DAZL: variants seen among roughly 807,000 people sequenced by gnomAD.
DAZL encodes deleted in azoospermia like.
DAZL carries 4 observed loss-of-function variants against 45.0 expected under a neutral mutation model. The ratio of observed to expected loss-of-function variants is 0.09; its 90% confidence interval spans 0.04 to 0.20. The LOEUF (loss-of-function observed/expected upper bound fraction) is 0.20, where lower values mean the gene tolerates loss of function less well. DAZL is among the 10% of genes least tolerant of loss of function. The pLI, the probability that DAZL is intolerant of heterozygous loss-of-function variation, is 1.00. For missense variants in DAZL, 326 were observed against 351.3 expected (o/e 0.93, Z 0.58); for synonymous variants, 122 against 112.4 (o/e 1.09, Z -0.54).
chr3:16,602,936 T>A (rs988405096), intron 1 of DAZL, among the ~76,000 whole-genome samples: 3 of 152,210 alleles, frequency 2.0e-5, no homozygotes, highest in Non-Finnish European at 4.4e-5. Flanking sequence ...TAATACAGTC[T>A]TTATGAATCA....
chr3:16,594,197 CAGAGGCAGAGTCT>C (rs1382523951), intron 8 of DAZL, among the ~76,000 whole-genome samples: 1 of 152,034 alleles, frequency 6.6e-6, no homozygotes, highest in Non-Finnish European at 1.5e-5. Flanking sequence ...CTGGTAAAGC[CAGAGGCAGAGTCT>C]AGGCAGATAC....
At chr3:16,598,678 T>C in intron 1 of DAZL, 80 bp from the exon 2 acceptor site, 4 of 1,408,220 alleles carry the variant, frequency 2.8e-6, no homozygotes, top group Non-Finnish European at 3.8e-6. Flanking sequence ...TTTTGTATTT[T>C]AAGTATAAAA....
chr3:16,588,697 T>C lies in DAZL; in HGVS notation c.851A>G (p.His284Arg). 6.2e-7 allele frequency: 1 copy of C among 1,611,702 alleles called. No individual in the cohort carries two copies. Among genetic ancestry groups the C allele is most frequent in the Non-Finnish European group, 8.5e-7 (1 of 1,178,164 alleles). Residue 284 changes from histidine (H) to arginine (R), a missense_variant, in exon 11 of 11, where the codon CAC becomes CGC. This residue lies in a region of DAZL where 227 missense variants were observed against 216.6 expected (regional missense o/e 1.05). Transcript: ENST00000399444. The part of the protein sequence containing the change: ...DDYFKDKRVH[H>R]FRRSRAMLKS... ...AAGCATTGCCCGACTTCTTCTAAAG[T>C]GATGCACTCTTTTATCCTGGAAAAG...
In DAZL at chr3:16,598,596, A is replaced by C; in HGVS notation, c.6T>G (p.Ser2=). The C allele has an allele frequency of 1.3e-6, 2 of 1,595,022 alleles. No individual in the cohort carries two copies. Among genetic ancestry groups the C allele is most frequent in the Non-Finnish European group, 1.7e-6 (2 of 1,176,834 alleles). Reference sequence around the variant, plus strand: ...AGTTTGGAGTTTCAGGATTTGCAGTAGACTGTAATTTGGAAAGTAGACATC... The same window carrying C: ...AGTTTGGAGTTTCAGGATTTGCAGTCGACTGTAATTTGGAAAGTAGACATC... The part of the protein sequence containing the change: M[S]TANPETPNST... Residue 2 remains serine (S), a splice_region_variant and synonymous_variant, in exon 2 of 11, where the codon TCT becomes TCG. Coordinates refer to ENST00000399444, the MANE Select transcript of DAZL (RefSeq NM_001351.4).
chr3:16,601,475 T>A (rs1694688447), intron 1 of DAZL, among the ~76,000 whole-genome samples: 1 of 152,186 alleles, frequency 6.6e-6, no homozygotes, highest in African/African-American at 2.4e-5. Context: ...AGCAATGTAC[T>A]TCATTTTTAC....
chr3:16,596,437 T>C (rs766054167), intron 6 of DAZL, among the ~76,000 whole-genome samples: 1 of 152,010 alleles, frequency 6.6e-6, no homozygotes, highest in Admixed American at 6.6e-5. Flanking sequence ...AAGAATATAC[T>C]AGACAGACAC....
intron 10 of DAZL, among the ~76,000 whole-genome samples, chr3:16,591,731 G>A (rs539802434): frequency 8.6e-4 from 131 of 152,310 alleles, no homozygotes; most frequent in Middle Eastern, 3.4e-3. Flanking sequence ...ACTGCACCCA[G>A]CCAAGATCTG....
At position 16,587,393 on chromosome 3, in the gene DAZL, C is replaced by T. The variant is rs1445876949; in HGVS notation, c.*1267G>A. ...TTTTTCCCTTAGAAAGGTATTATAT[C>T]CCATTGCTACCGTTCCAGGGTTTGG... On this transcript the variant is annotated 3_prime_UTR_variant, in exon 11 of 11. Coordinates refer to ENST00000399444, the MANE Select transcript of DAZL (RefSeq NM_001351.4). The T allele has an allele frequency of 6.6e-6, 1 of 152,480 alleles. No individual in the cohort carries two copies. The highest frequency in any genetic ancestry group is 1.5e-5 in the Non-Finnish European group (1 of 68,008). 9.4% of individuals were successfully genotyped at this position (152,480 alleles called of 1,614,324 possible).
intron 1 of DAZL, among the ~76,000 whole-genome samples, chr3:16,603,725 T>C (rs957611457): frequency 4.6e-5 from 7 of 152,192 alleles, no homozygotes; most frequent in African/African-American, 9.7e-5. Flanking sequence ...TTTTAACATA[T>C]ACTGAAAATT....
intron 3 of DAZL, among the ~76,000 whole-genome samples, chr3:16,597,766 C>T (rs913703127): frequency 5.3e-5 from 8 of 152,072 alleles, no homozygotes; most frequent in African/African-American, 1.7e-4. Flanking sequence ...CATTGATTAA[C>T]AAAGAATTCA....
rs978718073 is a variant in DAZL, at chr3:16,589,883, G to A, written c.835-1170C>T. On this transcript the variant is annotated intron_variant, in intron 10 of 10. Coordinates refer to ENST00000399444, the MANE Select transcript of DAZL (RefSeq NM_001351.4). Reference sequence around the variant, plus strand: ...TTCAAGACCAGCCAGGGGCAATATAGTAAGATTCTGTCTCTTAAAAAAAAA... The same window carrying A: ...TTCAAGACCAGCCAGGGGCAATATAATAAGATTCTGTCTCTTAAAAAAAAA... Among the ~76,000 whole-genome samples, 5 of 148,330 alleles carry A rather than the reference G, an allele frequency of 3.4e-5. No individual in the cohort carries two copies. In the Admixed American group the frequency reaches 3.4e-4, roughly 10 times the overall value.
chr3:16,605,130 C>G, intron 1 of DAZL, 73 bp downstream of exon 1: 2 of 1,594,610 alleles, frequency 1.3e-6, no homozygotes, highest in Non-Finnish European at 1.7e-6. Context: ...ACTTTCCGAC[C>G]CTGCAGAGCC....
intron 6 of DAZL, 119 bp downstream of exon 6, chr3:16,596,631 T>C: frequency 1.8e-6 from 2 of 1,082,648 alleles, no homozygotes; most frequent in Non-Finnish European, 2.8e-6. Context: ...AAATTTCCCA[T>C]CACTCAAAGT....
chr3:16,602,405 T>G (rs1694704638), intron 1 of DAZL, among the ~76,000 whole-genome samples: 1 of 152,166 alleles, frequency 6.6e-6, no homozygotes, highest in Non-Finnish European at 1.5e-5. Flanking sequence ...AATAGATAAC[T>G]TGGGTGTATG....
intron 1 of DAZL, chr3:16,604,738 C>G: frequency 7.3e-7 from 1 of 1,365,484 alleles, no homozygotes; most frequent in Non-Finnish European, 9.4e-7. Context: ...CTTGCGGAGC[C>G]ACGGGGAGAG....
intron 2 of DAZL, 73 bp from the exon 3 acceptor site, chr3:16,598,251 C>G: frequency 2.1e-6 from 3 of 1,438,736 alleles, no homozygotes; most frequent in Non-Finnish European, 2.9e-6. Context: ...AAAGAAGGTT[C>G]GATGATGTGA....
At chr3:16,594,503 G>T in intron 8 of DAZL, 30 bp downstream of exon 8, 1 of 1,512,498 alleles carries the variant, frequency 6.6e-7, no homozygotes, top group East Asian at 2.3e-5. Flanking sequence ...TAAAATAACA[G>T]GAATTATATG....
intron 1 of DAZL, among the ~76,000 whole-genome samples, chr3:16,600,323 A>C (rs1227793292): frequency 6.6e-6 from 1 of 152,208 alleles, no homozygotes; most frequent in Non-Finnish European, 1.5e-5. Context: ...GATTCTACAC[A>C]GCTTTACTAG....
intron 9 of DAZL, among the ~76,000 whole-genome samples, chr3:16,592,593 T>C (rs917161754): frequency 6.6e-6 from 1 of 151,076 alleles, no homozygotes; most frequent in African/African-American, 2.4e-5. Flanking sequence ...AAAAAGAAAT[T>C]CATAAAAATG....
Sources: gnomAD v4.1 joint callset for allele counts (sites outside exome capture counted in the v4.1 genomes callset) on GRCh38, gnomAD v4.1.1 for gene constraint, gnomAD v4.1.1 regional missense constraint, MANE v1.5 for transcripts, NCBI Gene and HGNC (gene_info 2026-07-23, HGNC 2026-07-21) for gene names.